Variants in STARD13 observed in about 807,000 individuals in gnomAD.
The protein encoded by STARD13 is StAR related lipid transfer domain containing 13.
Under a neutral mutation model 106.4 loss-of-function variants are expected in STARD13, and 62 were observed. That is an observed-to-expected ratio of 0.58 (90% CI 0.48 to 0.72). The LOEUF (loss-of-function observed/expected upper bound fraction) is 0.72. STARD13 is among the 30% of genes least tolerant of loss of function. The pLI, the probability that STARD13 is intolerant of heterozygous loss-of-function variation, is 0.00. For synonymous variants in STARD13, 565 were observed against 553.0 expected, an observed-to-expected ratio of 1.02 and a Z score of -0.31; for missense variants, 1,387 against 1,424.0, an observed-to-expected ratio of 0.97 and a Z score of 0.42.
chr13:33,180,563 G>A (rs755274097), intron 1 of STARD13: 1 of 152,116 alleles, frequency 6.6e-6, no homozygotes, highest in Non-Finnish European at 1.5e-5. Context: ...GGCTTCCTGT[G>A]GACTAATGAC....
chr13:33,455,723 G>A, the STARD13 span, among the ~76,000 whole-genome samples: 1 of 152,030 alleles, frequency 6.6e-6, no homozygotes, highest in Non-Finnish European at 1.5e-5. Context: ...CACAAGGTCA[G>A]ATTGAGATCA....
chr13:33,336,560 C>G (rs1393161814), intron 1 of STARD13: 1 of 152,084 alleles, frequency 6.6e-6, no homozygotes, highest in Non-Finnish European at 1.5e-5. Context: ...TTGAGGCCAG[C>G]CCAGGCAACA....
chr13:33,283,711 G>C (rs1891918423), intron 1 of STARD13, among the ~76,000 whole-genome samples: 1 of 152,126 alleles, frequency 6.6e-6, no homozygotes, highest in African/African-American at 2.4e-5. Flanking sequence ...GTATAAAAAA[G>C]AGGGAATTCT....
the STARD13 span, among the ~76,000 whole-genome samples, chr13:33,363,991 A>G: frequency 6.6e-6 from 1 of 152,230 alleles, no homozygotes. Flanking sequence ...ATTAAGTCAC[A>G]GTTGATTAAA....
intron 1 of STARD13, among the ~76,000 whole-genome samples, chr13:33,284,331 T>A (rs1819250961): frequency 6.6e-6 from 1 of 152,224 alleles, no homozygotes; most frequent in Non-Finnish European, 1.5e-5. Flanking sequence ...TTGTTCTTTC[T>A]GGAAACATTA....
At chr13:33,336,753 A>T (rs2077901015) in intron 1 of STARD13, 1 of 122,674 alleles carries the variant, frequency 8.2e-6, no homozygotes, top group Non-Finnish European at 1.7e-5. Context: ...AAGACCCTGT[A>T]TCAGAAAAAA....
At chr13:33,185,733 T>C in intron 1 of STARD13, 1 of 724,772 alleles carries the variant, frequency 1.4e-6, no homozygotes, top group Non-Finnish European at 2.3e-6. Context: ...CCTCTTTGCC[T>C]CTCTGATTCC....
chr13:33,234,203 A>C (rs774980221), intron 1 of STARD13, among the ~76,000 whole-genome samples: 4 of 152,208 alleles, frequency 2.6e-5, no homozygotes, highest in Non-Finnish European at 5.9e-5. Context: ...GATGCAGAAC[A>C]TCTACCCCTC....
At chr13:33,528,257 C>CATATATATAT in the STARD13 span, among the ~76,000 whole-genome samples, 4 of 92,888 alleles carry the variant, frequency 4.3e-5, no homozygotes, top group African/African-American at 2.6e-4. Flanking sequence ...TATATATATA[C>CATATATATAT]ATATATATAT....
chr13:33,575,132 G>A, the STARD13 span, among the ~76,000 whole-genome samples: 1 of 151,696 alleles, frequency 6.6e-6, no homozygotes, highest in Admixed American at 6.6e-5. Context: ...TGGTCAGACT[G>A]GTCTCCAACT....
At chr13:33,165,485 C>CAAAGAAGTTGATGTACTTTGTTTTAT in intron 2 of STARD13, 67 bp from the exon 3 acceptor site, 1 of 1,226,818 alleles carries the variant, frequency 8.2e-7, no homozygotes, top group Non-Finnish European at 1.2e-6. Flanking sequence ...CATATTCAGA[C>CAAAGAAGTTGATGTACTTTGTTTTAT]CTTCAAGGTC....
chr13:33,512,379 A>G, the STARD13 span, among the ~76,000 whole-genome samples: 1 of 152,202 alleles, frequency 6.6e-6, no homozygotes, highest in Non-Finnish European at 1.5e-5. Context: ...ATGCATAACT[A>G]AAAGCTTTCA....
intron 1 of STARD13, among the ~76,000 whole-genome samples, chr13:33,303,933 A>T (rs1398668354): frequency 1.3e-5 from 2 of 152,354 alleles, no homozygotes; most frequent in East Asian, 3.9e-4. Flanking sequence ...AAGAACCAGC[A>T]GTGTGACATC....
chr13:33,142,053 G>A (rs1198638443), intron 4 of STARD13, among the ~76,000 whole-genome samples: 1 of 152,172 alleles, frequency 6.6e-6, no homozygotes, highest in Non-Finnish European at 1.5e-5. Context: ...TTTGGAGACA[G>A]GGTGTCACTG....
the STARD13 span, among the ~76,000 whole-genome samples, chr13:33,629,703 A>T: frequency 1.3e-5 from 2 of 152,308 alleles, no homozygotes; most frequent in African/African-American, 4.8e-5. Context: ...GTGTCTTTAG[A>T]TGTGTAAGAA....
At chr13:33,551,542 C>T in the STARD13 span, among the ~76,000 whole-genome samples, 1 of 120,768 alleles carries the variant, frequency 8.3e-6, no homozygotes. Flanking sequence ...TATCTTCTGT[C>T]TACAAGAGAC....
chr13:33,315,207 T>C (rs1415245606), intron 1 of STARD13, among the ~76,000 whole-genome samples: 3 of 152,218 alleles, frequency 2.0e-5, no homozygotes, highest in African/African-American at 7.2e-5. Flanking sequence ...GTAGCACAAA[T>C]GTGAAGTAAA....
intron 1 of STARD13, among the ~76,000 whole-genome samples, chr13:33,167,997 AAT>A (rs1491457850): frequency 1.9e-4 from 26 of 139,008 alleles, no homozygotes; most frequent in African/African-American, 8.2e-4. Context: ...TTTTTAATGG[AAT>A]TTTTTTTTTA....
intron 1 of STARD13, among the ~76,000 whole-genome samples, chr13:33,176,833 A>G (rs2301380): frequency 0.24 from 36,549 of 152,184 alleles, 6,538 homozygotes; most frequent in African/African-American, 0.5. Flanking sequence ...CACAAATGTA[A>G]TCCAAAAGGT....
Sources: gnomAD v4.1 joint callset for allele counts (sites outside exome capture counted in the v4.1 genomes callset) on GRCh38, gnomAD v4.1.1 for gene constraint, MANE v1.5 for transcripts, NCBI Gene and HGNC (gene_info 2026-07-23, HGNC 2026-07-21) for gene names.